The following DNM3 variants were observed in gnomAD, a reference collection of about 807,000 sequenced individuals.
DNM3 encodes the protein dynamin-3.
DNM3 carries 47 observed loss-of-function variants against 101.6 expected under a neutral mutation model. That is an observed-to-expected ratio of 0.46 (90% CI 0.37 to 0.59). The LOEUF is 0.59. Ranked by LOEUF, DNM3 falls within the 20% of genes least tolerant of loss-of-function variation. The pLI is 0.00. For missense variants in DNM3, 849 were observed against 1,085.7 expected, an observed-to-expected ratio of 0.78 and a Z score of 3.06; for synonymous variants, 385 against 387.9, an observed-to-expected ratio of 0.99 and a Z score of 0.09.
chr1:172,311,812 A>G (rs2065094899), intron 16 of DNM3, among the ~76,000 whole-genome samples: 1 of 152,174 alleles, frequency 6.6e-6, no homozygotes, highest in African/African-American at 2.4e-5. Context: ...TATCATTTTT[A>G]TTTGTTTATC....
chr1:172,297,620 T>C (rs1365766149), intron 15 of DNM3, among the ~76,000 whole-genome samples: 1 of 152,176 alleles, frequency 6.6e-6, no homozygotes, highest in Admixed American at 6.5e-5. Context: ...ATATTTAAGG[T>C]TATACATTTT....
chr1:171,949,862 A>C (rs946063774), intron 2 of DNM3, among the ~76,000 whole-genome samples: 12 of 152,200 alleles, frequency 7.9e-5, no homozygotes, highest in African/African-American at 2.7e-4. Flanking sequence ...TTTGGAAAAG[A>C]GTTTTGCACT....
chr1:171,888,076 C>CT (rs1202447742), intron 1 of DNM3, among the ~76,000 whole-genome samples: 5 of 143,538 alleles, frequency 3.5e-5, no homozygotes, highest in African/African-American at 5.1e-5. Flanking sequence ...TTTTTTTAGT[C>CT]TTTTTTTTTC....
chr1:172,315,473 G>T (rs2065292375), intron 16 of DNM3, among the ~76,000 whole-genome samples: 1 of 152,184 alleles, frequency 6.6e-6, no homozygotes, highest in Non-Finnish European at 1.5e-5. Context: ...CAAAGGCAAA[G>T]AAGTTGAAAA....
intron 13 of DNM3, among the ~76,000 whole-genome samples, chr1:172,094,105 G>A (rs1416018660): frequency 1.3e-5 from 2 of 151,974 alleles, no homozygotes; most frequent in Non-Finnish European, 2.9e-5. Context: ...TCTTCCCCTT[G>A]TATGGTAATA....
At chr1:172,216,483 A>C (rs1233899478) in intron 14 of DNM3, among the ~76,000 whole-genome samples, 1 of 152,158 alleles carries the variant, frequency 6.6e-6, no homozygotes, top group African/African-American at 2.4e-5. Context: ...TGGATGCTAA[A>C]GTCATGACTA....
intron 13 of DNM3, chr1:172,093,667 C>A: frequency 6.3e-7 from 1 of 1,592,412 alleles, no homozygotes; most frequent in Non-Finnish European, 8.5e-7. Context: ...TTTTTCTGAA[C>A]TAAAGCATAT....
chr1:172,142,521 A>T (rs1288571983), intron 14 of DNM3, among the ~76,000 whole-genome samples: 1 of 152,112 alleles, frequency 6.6e-6, no homozygotes, highest in Non-Finnish European at 1.5e-5. Context: ...CCTTTTACAA[A>T]GTAATTCTTA....
chr1:172,022,923 C>T (rs2047945244), intron 4 of DNM3, among the ~76,000 whole-genome samples: 1 of 152,016 alleles, frequency 6.6e-6, no homozygotes, highest in Non-Finnish European at 1.5e-5. Flanking sequence ...TTTTTATAAT[C>T]CTGAAAATGT....
chr1:172,240,344 G>T (rs959049752), intron 14 of DNM3, among the ~76,000 whole-genome samples: 2 of 152,144 alleles, frequency 1.3e-5, no homozygotes, highest in African/African-American at 2.4e-5. Context: ...TTGAGAGAGA[G>T]GGGAACATTC....
chr1:172,387,010 C>A, intron 18 of DNM3, 123 bp from the exon 19 acceptor site: 1 of 770,816 alleles, frequency 1.3e-6, no homozygotes, highest in Non-Finnish European at 2.1e-6. Flanking sequence ...TTCACTTTTC[C>A]CAGGGTGGAC....
intron 16 of DNM3, among the ~76,000 whole-genome samples, chr1:172,311,774 A>C (rs2065092130): frequency 6.6e-6 from 1 of 152,188 alleles, no homozygotes; most frequent in Non-Finnish European, 1.5e-5. Flanking sequence ...AGCAAATCTC[A>C]CAACACAATC....
intron 1 of DNM3, among the ~76,000 whole-genome samples, chr1:171,858,185 G>T (rs1405695532): frequency 6.6e-6 from 1 of 152,136 alleles, no homozygotes; most frequent in African/African-American, 2.4e-5. Context: ...TGACTTAGAT[G>T]GGTTGGTACT....
At chr1:172,041,882 A>C in intron 7 of DNM3, 127 bp from the exon 8 acceptor site, 2 of 962,024 alleles carry the variant, frequency 2.1e-6, no homozygotes. Flanking sequence ...TGCAATGTTA[A>C]CTCTGCCAGT....
intron 2 of DNM3, among the ~76,000 whole-genome samples, chr1:171,928,104 G>A (rs2040723834): frequency 6.6e-6 from 1 of 152,224 alleles, no homozygotes; most frequent in Non-Finnish European, 1.5e-5. Context: ...GGTGGGGTAT[G>A]TTAGTGAGGT....
chr1:172,170,377 C>T (rs1360280458), intron 14 of DNM3, among the ~76,000 whole-genome samples: 1 of 151,650 alleles, frequency 6.6e-6, no homozygotes, highest in Non-Finnish European at 1.5e-5. Context: ...CATTTAACAA[C>T]AAAGCAGGAG....
At chr1:172,167,409 A>G (rs545836785) in intron 14 of DNM3, among the ~76,000 whole-genome samples, 1 of 152,166 alleles carries the variant, frequency 6.6e-6, no homozygotes, top group East Asian at 1.9e-4. Context: ...TAGCAGCATG[A>G]TTTATAATCC....
At chr1:172,069,037 T>G in intron 11 of DNM3, 132 bp downstream of exon 11, 1 of 649,390 alleles carries the variant, frequency 1.5e-6, no homozygotes, top group Non-Finnish European at 2.7e-6. Context: ...AACTACATTA[T>G]GTTTATTTTT....
intron 14 of DNM3, among the ~76,000 whole-genome samples, chr1:172,145,719 C>T (rs1357716217): frequency 6.6e-6 from 1 of 152,150 alleles, no homozygotes; most frequent in Non-Finnish European, 1.5e-5. Context: ...TAACAAATCG[C>T]CTCTGGTAGA....
Sources: allele counts gnomAD v4.1 joint callset (sites outside exome capture counted in the v4.1 genomes callset), GRCh38; gene constraint gnomAD v4.1.1; transcripts MANE v1.5; gene names NCBI Gene and HGNC (gene_info 2026-07-23, HGNC 2026-07-21).